Variants in MOB1B observed in about 807,000 individuals in gnomAD.
MOB1B encodes the protein MOB1 Mps One Binder homolog B.
A neutral mutation model predicts 24.4 loss-of-function variants in MOB1B; 19 were observed. That is an observed-to-expected ratio of 0.78 (90% CI 0.54 to 1.14). The LOEUF (loss-of-function observed/expected upper bound fraction) is 1.14, where lower values mean the gene tolerates loss of function less well. Among genes scored for constraint, MOB1B ranks in the 50% most tolerant of loss-of-function variants. MOB1B has a pLI of 0.00. For synonymous variants in MOB1B, 76 were observed against 82.1 expected, an observed-to-expected ratio of 0.93 and a Z score of 0.40; for missense variants, 243 against 259.6, an observed-to-expected ratio of 0.94 and a Z score of 0.44.
chr4:70,944,173 T>C (rs1737475516), intron 1 of MOB1B, among the ~76,000 whole-genome samples: 1 of 152,188 alleles, frequency 6.6e-6, no homozygotes, highest in Non-Finnish European at 1.5e-5. Flanking sequence ...TAGCTAGGAT[T>C]ATAGGCACAT....
Position 70,905,046 on chromosome 4 carries a change from T to C in MOB1B, c.14+2496T>C, listed in dbSNP as rs78824249. ...GGTTATATCTATCTAGCAGTTGATA[T>C]ATTCTCAACATATTTAGCCCATGTG... On this transcript the variant is annotated intron_variant, in intron 1 of 5. Transcript: ENST00000309395. Among the ~76,000 whole-genome samples, 210 of 152,330 alleles carry C rather than the reference T, an allele frequency of 1.4e-3. 1 individual carries two copies. The East Asian group carries it at 0.017, about 12-fold the overall frequency.
chr4:70,962,182 G>A (rs948457339), intron 2 of MOB1B, among the ~76,000 whole-genome samples: 1 of 152,118 alleles, frequency 6.6e-6, no homozygotes, highest in African/African-American at 2.4e-5. Flanking sequence ...AGCATAGGGA[G>A]ACCTCTTCTC....
chr4:70,955,119 C>T (rs957503991), intron 1 of MOB1B, among the ~76,000 whole-genome samples: 1 of 152,044 alleles, frequency 6.6e-6, no homozygotes, highest in Non-Finnish European at 1.5e-5. Flanking sequence ...GTATAAAGTT[C>T]TGGGAGGAGA....
chr4:70,923,687 A>C (rs1225998874), intron 1 of MOB1B, among the ~76,000 whole-genome samples: 2 of 151,908 alleles, frequency 1.3e-5, no homozygotes, highest in Non-Finnish European at 2.9e-5. Context: ...CGGTGGCTCA[A>C]GCCTGTAATC....
At chr4:70,966,800 A>G (rs1738550891) in intron 2 of MOB1B, among the ~76,000 whole-genome samples, 2 of 151,988 alleles carry the variant, frequency 1.3e-5, no homozygotes, top group Admixed American at 1.3e-4. Flanking sequence ...GGCTGCAGTG[A>G]GCTCTGACTG....
At chr4:70,968,035 T>C (rs1738606672) in intron 2 of MOB1B, among the ~76,000 whole-genome samples, 1 of 152,090 alleles carries the variant, frequency 6.6e-6, no homozygotes, top group Non-Finnish European at 1.5e-5. Flanking sequence ...TTTGTAGTGA[T>C]GGGATTTTAC....
At chr4:70,958,565 T>C (rs940027498) in intron 1 of MOB1B, 5 of 379,120 alleles carry the variant, frequency 1.3e-5, no homozygotes, top group African/African-American at 1.1e-4. Context: ...ATTTATTTTA[T>C]TAGAATGAGA....
At chr4:70,912,996 A>G (rs755746506) in intron 1 of MOB1B, among the ~76,000 whole-genome samples, 8 of 151,694 alleles carry the variant, frequency 5.3e-5, no homozygotes, top group Non-Finnish European at 8.8e-5. Context: ...GGCTCAAGCA[A>G]TTTGCCCGGC....
At chr4:70,939,557 C>G (rs964262673) in intron 1 of MOB1B, among the ~76,000 whole-genome samples, 2 of 152,320 alleles carry the variant, frequency 1.3e-5, no homozygotes, top group Admixed American at 1.3e-4. Flanking sequence ...TGGCGCACAC[C>G]TGCAATCCCA....
At chr4:70,909,518 A>G (rs1384507809) in intron 1 of MOB1B, among the ~76,000 whole-genome samples, 3 of 151,138 alleles carry the variant, frequency 2.0e-5, no homozygotes, top group Non-Finnish European at 4.4e-5. Flanking sequence ...AGAAAACATT[A>G]AAAAAAAATA....
intron 1 of MOB1B, among the ~76,000 whole-genome samples, chr4:70,913,169 G>T (rs1227344559): frequency 1.3e-5 from 2 of 152,146 alleles, no homozygotes; most frequent in South Asian, 4.1e-4. Context: ...GGGTTTCTCT[G>T]ATGTTTCCTT....
At chr4:70,908,722 C>A (rs1735855308) in intron 1 of MOB1B, among the ~76,000 whole-genome samples, 1 of 149,404 alleles carries the variant, frequency 6.7e-6, no homozygotes, top group South Asian at 2.1e-4. Flanking sequence ...TTGCAGTGAG[C>A]CGAGATCATG....
At chr4:70,972,307 A>G (rs1175779524) in intron 3 of MOB1B, among the ~76,000 whole-genome samples, 23 of 151,828 alleles carry the variant, frequency 1.5e-4, no homozygotes, top group African/African-American at 5.6e-4. Context: ...TCTGCATCCT[A>G]GGTTCAAGAG....
intron 1 of MOB1B, among the ~76,000 whole-genome samples, chr4:70,939,668 G>T (rs1052736419): frequency 6.6e-6 from 1 of 152,162 alleles, no homozygotes; most frequent in Non-Finnish European, 1.5e-5. Flanking sequence ...GGTGTGGCTC[G>T]CTTCTTTGGT....
chr4:70,925,405 A>G (rs1305825997), intron 1 of MOB1B, among the ~76,000 whole-genome samples: 1 of 152,154 alleles, frequency 6.6e-6, no homozygotes, highest in East Asian at 1.9e-4. Flanking sequence ...GGATAACTAT[A>G]CTTGTTAGTG....
intron 2 of MOB1B, 81 bp downstream of exon 2, chr4:70,959,121 C>A: frequency 8.5e-7 from 1 of 1,171,234 alleles, no homozygotes; most frequent in Non-Finnish European, 1.2e-6. Context: ...GCTGTCCATT[C>A]TAGGATTTAG....
intron 2 of MOB1B, among the ~76,000 whole-genome samples, chr4:70,963,386 A>T (rs987761771): frequency 1.3e-5 from 2 of 152,174 alleles, no homozygotes; most frequent in African/African-American, 4.8e-5. Context: ...AATAGAATTA[A>T]TAAAAACGTA....
chr4:70,972,148 A>G (rs1738783805), intron 3 of MOB1B, among the ~76,000 whole-genome samples: 2 of 152,120 alleles, frequency 1.3e-5, no homozygotes, highest in East Asian at 1.9e-4. Context: ...AATAAATGCT[A>G]AGCCCCTTGC....
intron 5 of MOB1B, among the ~76,000 whole-genome samples, chr4:70,979,643 G>A (rs1456154188): frequency 6.6e-6 from 1 of 152,106 alleles, no homozygotes; most frequent in Non-Finnish European, 1.5e-5. Flanking sequence ...AGTCTGCCCT[G>A]GATCTTTATT....
Sources: gnomAD v4.1 joint callset for allele counts (sites outside exome capture counted in the v4.1 genomes callset) on GRCh38, gnomAD v4.1.1 for gene constraint, MANE v1.5 for transcripts, NCBI Gene and HGNC (gene_info 2026-07-23, HGNC 2026-07-21) for gene names.